The following DERA variants were observed in gnomAD, a reference collection of about 807,000 sequenced individuals.
The protein encoded by DERA is 2-deoxy-D-ribose 5-phosphate aldolase.
Under a neutral mutation model 41.1 loss-of-function variants are expected in DERA, and 15 were observed. The ratio of observed to expected loss-of-function variants is 0.37; its 90% confidence interval spans 0.24 to 0.56. The LOEUF (loss-of-function observed/expected upper bound fraction) is 0.56, where lower values mean the gene tolerates loss of function less well. Ranked by LOEUF, DERA falls within the 20% of genes least tolerant of loss-of-function variation. The probability of loss-of-function intolerance (pLI) is 0.81; values close to 1 mark genes in which losing one functional copy is unlikely to be tolerated. For synonymous variants in DERA, 139 were observed against 137.4 expected (o/e 1.01, Z -0.08); for missense variants, 396 against 403.4 (o/e 0.98, Z 0.16).
In DERA at chr12:16,010,042, A is replaced by G. The variant is rs1299262249; in HGVS notation, c.638-22500A>G. ...CTGTATTAAGTGTGCAGTATAACCT[A>G]TTCATCTGAAATATACATGATTACT... On this transcript the variant is annotated intron_variant, in intron 6 of 8. Transcript: ENST00000428559. This position sits in a 1 kb window ranked among gnomAD's most constrained non-coding sequence, Gnocchi z 5.5. 2.0e-5 allele frequency among the ~76,000 whole-genome samples: 3 copies of G among 152,202 alleles called. No individual in the cohort carries two copies. The highest frequency in any genetic ancestry group is 1.3e-4 in the Admixed American group (2 of 15,280).
intron 6 of DERA, among the ~76,000 whole-genome samples, chr12:15,986,097 G>A (rs559570976): frequency 4.1e-4 from 62 of 152,128 alleles, no homozygotes; most frequent in African/African-American, 1.3e-3. Context: ...ATTATGAAAC[G>A]TCCCTTTTTA....
At chr12:16,027,456 T>C (rs1199115789) in intron 6 of DERA, among the ~76,000 whole-genome samples, 1 of 152,182 alleles carries the variant, frequency 6.6e-6, no homozygotes, top group Non-Finnish European at 1.5e-5. Flanking sequence ...TGCAGTGAGG[T>C]GATCATTCTG....
intron 1 of DERA, among the ~76,000 whole-genome samples, chr12:15,942,057 T>C (rs140334491): frequency 1.3e-5 from 2 of 152,352 alleles, no homozygotes; most frequent in African/African-American, 4.8e-5. Flanking sequence ...TGGTCATTCT[T>C]GCAGGAGTAA....
At position 16,001,102 on chromosome 12, in the gene DERA, C is replaced by G. The variant is rs1193644662; in HGVS notation, c.637+18666C>G. Reference sequence around the variant, plus strand: ...TACATCTATCATTTTCATTTTCTGTCCATAAACGCATACCCAGGCAGAGCT... The same window carrying G: ...TACATCTATCATTTTCATTTTCTGTGCATAAACGCATACCCAGGCAGAGCT... On this transcript the variant is annotated intron_variant, in intron 6 of 8. Transcript: ENST00000428559. This position sits in a 1 kb window ranked among gnomAD's most constrained non-coding sequence, Gnocchi z 4.1. Among the ~76,000 whole-genome samples, 1 of 152,104 alleles carries G rather than the reference C, an allele frequency of 6.6e-6. No homozygotes were observed. Among genetic ancestry groups the G allele is most frequent in the Non-Finnish European group, 1.5e-5 (1 of 68,032 alleles).
At chr12:15,973,041 C>G (rs1948674383) in intron 5 of DERA, among the ~76,000 whole-genome samples, 1 of 152,080 alleles carries the variant, frequency 6.6e-6, no homozygotes, top group Admixed American at 6.5e-5. Context: ...TGCTCTGATT[C>G]CTGTCAGTGA....
At chr12:16,034,501 G>T (rs866378091) in intron 7 of DERA, among the ~76,000 whole-genome samples, 1 of 152,150 alleles carries the variant, frequency 6.6e-6, no homozygotes, top group African/African-American at 2.4e-5. Context: ...AAGCCAAATT[G>T]TATTCATTTA....
Position 15,950,837 on chromosome 12 carries a change from A to G in DERA, c.32-6099A>G, listed in dbSNP as rs144410288. Among the ~76,000 whole-genome samples the G allele has an allele frequency of 2.8e-4, 42 of 152,334 alleles. No individual in the cohort carries two copies. In the East Asian group the frequency reaches 6.2e-3, roughly 22 times the overall value. ...TCTCTTATTAGGAAAGGCCTATGAG[A>G]ATAAGGATTTTGTTTTTTCAGCACT... On this transcript the variant is annotated intron_variant, in intron 1 of 8. Transcript: ENST00000428559.
intron 1 of DERA, among the ~76,000 whole-genome samples, chr12:15,937,535 T>C (rs1040422085): frequency 7.2e-5 from 11 of 152,272 alleles, no homozygotes; most frequent in Admixed American, 5.9e-4. Flanking sequence ...GTCTCATTTT[T>C]CATTAACTTT....
chr12:15,992,957 C>T lies in DERA; in HGVS notation c.637+10521C>T, dbSNP rs1162202529. On this transcript the variant is annotated intron_variant, in intron 6 of 8. Coordinates refer to ENST00000428559, the MANE Select transcript of DERA (RefSeq NM_015954.4). The surrounding 1 kb of genome is among the most constrained non-coding windows in gnomAD (Gnocchi z 4.3). Reference sequence around the variant, plus strand: ...CATAATGTCATCAGGTTTGAATTGCCGATGAAGATCTGTGGGAAGAGTACT... The same window carrying T: ...CATAATGTCATCAGGTTTGAATTGCTGATGAAGATCTGTGGGAAGAGTACT... Among the ~76,000 whole-genome samples, 3 of 151,932 alleles carry T rather than the reference C, an allele frequency of 2.0e-5. No individual in the cohort carries two copies. The highest frequency in any genetic ancestry group is 4.8e-5 in the African/African-American group (2 of 41,360).
intron 6 of DERA, among the ~76,000 whole-genome samples, chr12:16,016,675 C>G (rs1263543992): frequency 6.6e-6 from 1 of 151,348 alleles, no homozygotes; most frequent in Non-Finnish European, 1.5e-5. Flanking sequence ...ACCTGTACTC[C>G]CAGCTACGTG....
chr12:16,002,029 A>C (rs1280215288), intron 6 of DERA, among the ~76,000 whole-genome samples: 1 of 152,006 alleles, frequency 6.6e-6, no homozygotes, highest in African/African-American at 2.4e-5. Context: ...ACATGTGCAC[A>C]ATGTGCAGGT....
intron 1 of DERA, among the ~76,000 whole-genome samples, chr12:15,948,029 C>T (rs1420984108): frequency 6.6e-6 from 1 of 152,180 alleles, no homozygotes; most frequent in African/African-American, 2.4e-5. Flanking sequence ...TGAATATTGG[C>T]CCCCATTCTC....
At position 16,035,527 on chromosome 12, in the gene DERA, C is replaced by A. The variant is rs139216833; in HGVS notation, c.751-705C>A. 1.3e-5 allele frequency among the ~76,000 whole-genome samples: 2 copies of A among 152,142 alleles called. No individual in the cohort carries two copies. Among genetic ancestry groups the A allele is most frequent in the Admixed American group, 6.5e-5 (1 of 15,280 alleles). ...CTAATGGATCCAGGGACATCATTTA[C>A]GAATATCAGATATTGGCTGAATTCA... On this transcript the variant is annotated intron_variant, in intron 7 of 8. Coordinates refer to ENST00000428559, the MANE Select transcript of DERA (RefSeq NM_015954.4). The surrounding 1 kb of genome is among the most constrained non-coding windows in gnomAD (Gnocchi z 4.1).
intron 6 of DERA, among the ~76,000 whole-genome samples, chr12:16,029,916 T>TTTTC: frequency 1.3e-5 from 1 of 74,134 alleles, no homozygotes. Flanking sequence ...CCTTGGTCTT[T>TTTTC]TTTTTTTTTT....
Position 16,036,996 on chromosome 12 carries a change from A to G in DERA, c.*250A>G. The G allele has an allele frequency of 2.4e-6, 1 of 416,542 alleles. No homozygotes were observed. The highest frequency in any genetic ancestry group is 4.2e-6 in the Non-Finnish European group (1 of 238,224). The allele number at this position is 416,542 out of a possible 1,614,324, so 25.8% of individuals were successfully genotyped here. On this transcript the variant is annotated 3_prime_UTR_variant, in exon 9 of 9. Coordinates refer to ENST00000428559, the MANE Select transcript of DERA (RefSeq NM_015954.4). The surrounding 1 kb of genome is among the most constrained non-coding windows in gnomAD (Gnocchi z 4.9). ...ATTAACTTTGTGAAGAGTTTCTCCTAAAAACTTTAAGTAAAATGTTAATGG... is the reference window on the plus strand; with the variant it reads ...ATTAACTTTGTGAAGAGTTTCTCCTGAAAACTTTAAGTAAAATGTTAATGG...
intron 7 of DERA, among the ~76,000 whole-genome samples, chr12:16,033,277 G>A (rs779938374): frequency 3.3e-5 from 5 of 152,234 alleles, no homozygotes; most frequent in Non-Finnish European, 5.9e-5. Context: ...ATGAAATGCT[G>A]TGAAACAGCA....
In DERA at chr12:16,019,063, GC is replaced by G. The variant is rs1445882551; in HGVS notation, c.638-13478del. The stretch of plus-strand genomic sequence containing the variant: ...GTGAGCTCTGAAGAGAGTCTGTAGT[GC>G]TGTGTGGTGTTGGTAATTCAAAATG... On this transcript the variant is annotated intron_variant, in intron 6 of 8. Transcript: ENST00000428559. This position sits in a 1 kb window ranked among gnomAD's most constrained non-coding sequence, Gnocchi z 4.4. Among the ~76,000 whole-genome samples, 1 of 152,272 alleles carries G rather than the reference GC, an allele frequency of 6.6e-6. No homozygotes were observed. The highest frequency in any genetic ancestry group is 2.1e-4 in the South Asian group (1 of 4,818).
In DERA at chr12:16,019,691, G is replaced by T. The variant is rs1949005960; in HGVS notation, c.638-12851G>T. ...TCTTTAAATTTTGTCTCTCCTTGAA[G>T]GTCTGTAACACATTCCATCTGTTCC... is the stretch of plus-strand genomic sequence containing the variant. On this transcript the variant is annotated intron_variant, in intron 6 of 8. Transcript: ENST00000428559. The surrounding 1 kb of genome is among the most constrained non-coding windows in gnomAD (Gnocchi z 4.4). Among the ~76,000 whole-genome samples, 2 of 151,686 alleles carry T rather than the reference G, an allele frequency of 1.3e-5. No homozygotes were observed. Among genetic ancestry groups the T allele is most frequent in the South Asian group, 4.1e-4 (2 of 4,822 alleles).
Position 15,931,200 on chromosome 12 carries a change from A to G in DERA, c.31+19786A>G, listed in dbSNP as rs182504857. Among the ~76,000 whole-genome samples, 231 of 152,360 alleles carry G rather than the reference A, an allele frequency of 1.5e-3. 1 individual carries two copies. Among genetic ancestry groups the G allele is most frequent in the Non-Finnish European group, 1.9e-3 (128 of 68,028 alleles). ...TTGCGTGACTAGCACAACATCCAGCATAAATAGCAGCTTTAGGAATAACAT... is the reference window on the plus strand; with the variant it reads ...TTGCGTGACTAGCACAACATCCAGCGTAAATAGCAGCTTTAGGAATAACAT... On this transcript the variant is annotated intron_variant, in intron 1 of 8. Transcript: ENST00000428559. The surrounding 1 kb of genome is among the most constrained non-coding windows in gnomAD (Gnocchi z 4.6).
Sources: gnomAD v4.1 joint callset for allele counts (sites outside exome capture counted in the v4.1 genomes callset) on GRCh38, gnomAD v4.1.1 for gene constraint, Gnocchi (gnomAD v3.1) non-coding constraint, MANE v1.5 for transcripts, NCBI Gene and HGNC (gene_info 2026-07-23, HGNC 2026-07-21) for gene names.